Variants in MACF1 observed in about 807,000 individuals in gnomAD.
MACF1 encodes microtubule-actin cross-linking factor 1.
MACF1 carries 193 observed loss-of-function variants against 854.8 expected under a neutral mutation model. That is an observed-to-expected ratio of 0.23 (90% CI 0.20 to 0.25). The LOEUF (loss-of-function observed/expected upper bound fraction) is 0.25, where lower values mean the gene tolerates loss of function less well. Ranked by LOEUF, MACF1 falls within the 10% of genes least tolerant of loss-of-function variation. The pLI is 1.00. For synonymous variants in MACF1, 3,185 were observed against 3,226.7 expected (o/e 0.99, Z 0.44); for missense variants, 7,722 against 8,929.1 (o/e 0.86, Z 5.45).
intron 49 of MACF1, among the ~76,000 whole-genome samples, chr1:39,364,933 A>AT (rs996102922): frequency 1.3e-5 from 2 of 151,528 alleles, no homozygotes; most frequent in African/African-American, 2.4e-5. Flanking sequence ...ACTTGTTTTA[A>AT]TTTTTTTTTA....
intron 36 of MACF1, among the ~76,000 whole-genome samples, chr1:39,329,567 C>G (rs1368293267): frequency 6.6e-6 from 1 of 152,070 alleles, no homozygotes; most frequent in African/African-American, 2.4e-5. Flanking sequence ...CCACAAGATC[C>G]TCTATCAATA....
At chr1:39,098,703 C>G (rs1354332300) in intron 2 of MACF1, among the ~76,000 whole-genome samples, 1 of 152,192 alleles carries the variant, frequency 6.6e-6, no homozygotes, top group Non-Finnish European at 1.5e-5. Context: ...TATGGTAACC[C>G]AGATGGCTGA....
At chr1:39,402,064 T>C (rs1642497097) in intron 58 of MACF1, among the ~76,000 whole-genome samples, 1 of 147,630 alleles carries the variant, frequency 6.8e-6, no homozygotes, top group African/African-American at 2.4e-5. Context: ...ATACAAAAAT[T>C]AGCCAGGCTT....
chr1:39,132,561 C>T (rs1475018123), intron 2 of MACF1, among the ~76,000 whole-genome samples: 1 of 152,116 alleles, frequency 6.6e-6, no homozygotes, highest in African/African-American at 2.4e-5. Context: ...TGCACAGCCC[C>T]CTGTATTGAA....
Position 39,452,745 on chromosome 1 carries a change from C to T in MACF1, c.20675C>T (p.Thr6892Met), listed in dbSNP as rs180745507. 2.7e-5 allele frequency: 43 copies of T among 1,613,920 alleles called. No individual in the cohort carries two copies. The highest frequency in any genetic ancestry group is 1.0e-4 in the Admixed American group (6 of 60,026). Residue 6892 changes from threonine to methionine, a missense_variant, in exon 87 of 101, where the codon ACG (threonine) becomes ATG (methionine). Thr to Met is a moderately conservative substitution (Grantham distance 81, BLOSUM62 -1). Around this residue, in one of 15 missense-constraint regions of MACF1, gnomAD observed 729 missense variants for 900.5 expected, o/e 0.81. Transcript: ENST00000564288. ...GAGTGGCTTTCTGAAGCAGAGCAAA[C>T]GCTTCGCTTTCGGGGAGCACTTCCT... ...LLEWLSEAEQTLRFRGALPDD... is the reference protein window; with the variant it reads ...LLEWLSEAEQMLRFRGALPDD...
intron 55 of MACF1, 37 bp from the exon 56 acceptor site, chr1:39,381,916 A>C: frequency 6.8e-7 from 1 of 1,473,160 alleles, no homozygotes; most frequent in African/African-American, 1.4e-5. Flanking sequence ...GTTGTTGATA[A>C]TGTAAAGGAA....
intron 94 of MACF1, 29 bp from the exon 95 acceptor site, chr1:39,465,066 C>G (rs754160713): frequency 6.2e-7 from 1 of 1,605,532 alleles, no homozygotes; most frequent in Non-Finnish European, 8.5e-7. Flanking sequence ...CCCTCCTTTC[C>G]TCCATCCTTT....
chr1:39,161,181 G>T (rs1643791633), intron 2 of MACF1, among the ~76,000 whole-genome samples: 1 of 152,110 alleles, frequency 6.6e-6, no homozygotes, highest in East Asian at 1.9e-4. Context: ...AGTTATTGGG[G>T]TGATTTCTGG....
chr1:39,349,535 G>T lies in MACF1; in HGVS notation c.10873G>T (p.Val3625Leu). 1.2e-6 allele frequency: 2 copies of T among 1,614,194 alleles called. No individual in the cohort carries two copies. The highest frequency in any genetic ancestry group is 1.1e-5 in the South Asian group (1 of 91,078). The stretch of plus-strand genomic sequence containing the variant: ...GCAACTGGAGGATCTTTGCAGTTGG[G>T]TAGGACAGGCAGAAAGAGCACTGGC... ...HQQLEDLCSWVGQAERALAGH... is the reference protein window; with the variant it reads ...HQQLEDLCSWLGQAERALAGH... The change falls in exon 42 of 101, where the codon GTA becomes TTA. Residue 3625 changes from valine to leucine, a missense_variant. Physicochemically the swap from Val to Leu is conservative, Grantham distance 32. Coordinates refer to ENST00000564288, the MANE Select transcript of MACF1 (RefSeq NM_001394062.1).
At chr1:39,182,150 TAAA>T (rs35203410) in intron 2 of MACF1, among the ~76,000 whole-genome samples, 12 of 122,284 alleles carry the variant, frequency 9.8e-5, no homozygotes, top group Non-Finnish European at 7.1e-5. Flanking sequence ...GACTCCACCT[TAAA>T]AAAAAAAAAA....
chr1:39,271,491 C>T (rs868005034), intron 6 of MACF1, among the ~76,000 whole-genome samples: 1 of 152,146 alleles, frequency 6.6e-6, no homozygotes, highest in Non-Finnish European at 1.5e-5. Flanking sequence ...GTCCCACTTC[C>T]AGTATTAGGG....
At chr1:39,126,841 C>T (rs182003147) in intron 2 of MACF1, among the ~76,000 whole-genome samples, 5 of 152,098 alleles carry the variant, frequency 3.3e-5, no homozygotes, top group African/African-American at 4.8e-5. Context: ...ATGGTTTAGT[C>T]ACTTTGTAAC....
intron 48 of MACF1, 102 bp downstream of exon 48, chr1:39,361,103 A>G (rs1648151170): frequency 1.0e-6 from 1 of 960,814 alleles, no homozygotes. Flanking sequence ...ATATCTGTGA[A>G]TCATCTAATA....
At chr1:39,228,734 A>T (rs948388139) in intron 1 of MACF1, among the ~76,000 whole-genome samples, 1 of 151,988 alleles carries the variant, frequency 6.6e-6, no homozygotes, top group Non-Finnish European at 1.5e-5. Context: ...GCTCACTGCA[A>T]CCTCCGCCTC....
intron 36 of MACF1, among the ~76,000 whole-genome samples, chr1:39,328,216 T>C (rs1557589820): frequency 1.3e-5 from 2 of 152,212 alleles, no homozygotes; most frequent in Non-Finnish European, 2.9e-5. Flanking sequence ...AGCTATGATT[T>C]GATGGTGTAT....
intron 53 of MACF1, 95 bp downstream of exon 53, chr1:39,378,618 C>G (rs1443662033): frequency 1.1e-5 from 14 of 1,226,030 alleles, no homozygotes; most frequent in African/African-American, 3.0e-5. Flanking sequence ...GGTGGAAGAA[C>G]TGCTGCCAGA....
chr1:39,419,798 A>AGTGTGTGTGTGTGTGTGTGTGTGT (rs3080664), intron 58 of MACF1, among the ~76,000 whole-genome samples: 2 of 130,962 alleles, frequency 1.5e-5, no homozygotes, highest in African/African-American at 2.9e-5. Context: ...ATGCCTGGCT[A>AGTGTGTGTGTGTGTGTGTGTGTGT]GTGTGTGTGT....
chr1:39,319,429 G>T (rs919105306), intron 30 of MACF1, among the ~76,000 whole-genome samples: 7 of 152,098 alleles, frequency 4.6e-5, no homozygotes, highest in African/African-American at 1.7e-4. Context: ...GGTTAAGAAA[G>T]CGAGAACTTG....
At chr1:39,324,795 T>TA (rs1183775955) in intron 35 of MACF1, 61 bp downstream of exon 35, 4 of 1,268,562 alleles carry the variant, frequency 3.2e-6, no homozygotes, top group East Asian at 4.6e-5. Flanking sequence ...GTCTAAAACT[T>TA]ACAGCCATAA....
Sources: allele counts gnomAD v4.1 joint callset (sites outside exome capture counted in the v4.1 genomes callset), GRCh38; gene constraint gnomAD v4.1.1; regional missense constraint gnomAD v4.1.1; transcripts MANE v1.5; gene names NCBI Gene and HGNC (gene_info 2026-07-23, HGNC 2026-07-21).